Variants in GPBP1 observed in about 807,000 individuals in gnomAD.
The protein encoded by GPBP1 is vasculin.
GPBP1 carries 13 observed loss-of-function variants against 56.5 expected under a neutral mutation model. That is an observed-to-expected ratio of 0.23 (90% CI 0.15 to 0.37). The LOEUF (loss-of-function observed/expected upper bound fraction) is 0.37. Among genes scored for constraint, GPBP1 ranks in the 10% least tolerant of loss-of-function variants. GPBP1 has a pLI of 1.00. For synonymous variants in GPBP1, 204 were observed against 188.9 expected, an observed-to-expected ratio of 1.08 and a Z score of -0.66; for missense variants, 477 against 572.3, an observed-to-expected ratio of 0.83 and a Z score of 1.70.
intron 10 of GPBP1, among the ~76,000 whole-genome samples, chr5:57,256,341 G>A (rs1288747071): frequency 6.6e-6 from 1 of 152,076 alleles, no homozygotes; most frequent in African/African-American, 2.4e-5. Flanking sequence ...CATACTGCAT[G>A]AAGAGATAGT....
chr5:57,205,317 T>C (rs1755186812), intron 2 of GPBP1, among the ~76,000 whole-genome samples: 1 of 152,240 alleles, frequency 6.6e-6, no homozygotes, highest in Admixed American at 6.5e-5. Flanking sequence ...TTTTCTTTTG[T>C]CTATTGATGG....
At chr5:57,262,545 T>C in intron 11 of GPBP1, 49 bp from the exon 12 acceptor site, 1 of 1,367,928 alleles carries the variant, frequency 7.3e-7, no homozygotes, top group African/African-American at 1.4e-5. Flanking sequence ...TTACAGTAGG[T>C]TTGTAACTCT....
intron 2 of GPBP1, among the ~76,000 whole-genome samples, chr5:57,209,162 A>C (rs1755368743): frequency 6.6e-6 from 1 of 152,026 alleles, no homozygotes; most frequent in Non-Finnish European, 1.5e-5. Flanking sequence ...TTGTGTGTTG[A>C]TCTTCTATCT....
chr5:57,252,630 C>T (rs1043276898), intron 10 of GPBP1, among the ~76,000 whole-genome samples: 1 of 152,062 alleles, frequency 6.6e-6, no homozygotes, highest in Non-Finnish European at 1.5e-5. Flanking sequence ...TGAGCTGAAG[C>T]GATCCTCCCG....
Position 57,262,745 on chromosome 5 carries a change from A to G in GPBP1, c.1415A>G (p.Asp472Gly). 2 of 1,613,026 alleles carry G rather than the reference A, an allele frequency of 1.2e-6. No individual in the cohort carries two copies. Among genetic ancestry groups the G allele is most frequent in the Non-Finnish European group, 1.7e-6 (2 of 1,179,290 alleles). The change falls in exon 12 of 12, where the codon GAT becomes GGT. Residue 472 changes from aspartate to glycine, a missense_variant. Around this residue, in one of 2 missense-constraint regions of GPBP1, gnomAD observed 63 missense variants for 114.0 expected, o/e 0.55. Transcript: ENST00000506184. ...AGCAGTGATACATCAGATGACGACG[A>G]TGTGTGAAGGATTTCCTAACAGCTT... ...TSSSDTSDDD[D>G]V
In GPBP1 at chr5:57,180,360, A is replaced by C. The variant is rs377420085; in HGVS notation, c.-58+3960A>C. Among the ~76,000 whole-genome samples, 34 of 151,834 alleles carry C rather than the reference A, an allele frequency of 2.2e-4. No homozygotes were observed. The East Asian group carries it at 3.0e-3, about 13-fold the overall frequency. On this transcript the variant is annotated intron_variant, in intron 2 of 11. Coordinates refer to ENST00000506184, the MANE Select transcript of GPBP1 (RefSeq NM_022913.4). ...CGAACTCCTGACCTCAGGTCAGATG[A>C]TCACCTGCCTCAGCCTCCCAAAGTG...
chr5:57,236,171 C>A, intron 6 of GPBP1, 139 bp downstream of exon 6: 2 of 593,072 alleles, frequency 3.4e-6, no homozygotes, highest in Non-Finnish European at 3.0e-6. Flanking sequence ...TGCTTAGCTA[C>A]AAAAAAGGTA....
chr5:57,196,859 G>A (rs566135060), intron 2 of GPBP1, among the ~76,000 whole-genome samples: 1 of 152,036 alleles, frequency 6.6e-6, no homozygotes, highest in African/African-American at 2.4e-5. Context: ...TTGGCTCACT[G>A]TAACCTCTGC....
At chr5:57,189,611 A>G (rs547050869) in intron 2 of GPBP1, among the ~76,000 whole-genome samples, 12 of 152,294 alleles carry the variant, frequency 7.9e-5, no homozygotes, top group African/African-American at 2.6e-4. Context: ...TTCCTGTACC[A>G]TTGTGTACTC....
chr5:57,227,102 G>A (rs956906683), intron 3 of GPBP1, among the ~76,000 whole-genome samples: 1 of 151,978 alleles, frequency 6.6e-6, no homozygotes, highest in African/African-American at 2.4e-5. Context: ...GCTCAGGCTG[G>A]AGTGCAGTGG....
Position 57,250,523 on chromosome 5 carries a change from A to G in GPBP1, c.973-431A>G, listed in dbSNP as rs1266662041. 2.0e-5 allele frequency among the ~76,000 whole-genome samples: 3 copies of G among 149,852 alleles called. 1 individual carries two copies. Among genetic ancestry groups the G allele is most frequent in the Admixed American group, 1.3e-4 (2 of 15,046 alleles). On this transcript the variant is annotated intron_variant, in intron 9 of 11. Coordinates refer to ENST00000506184, the MANE Select transcript of GPBP1 (RefSeq NM_022913.4). ...TTTTTCATTCCTAAATTTAACAATT[A>G]TAAGTATTACGTTTATGGTTGTTGG...
chr5:57,192,184 A>G (rs561186359), intron 2 of GPBP1, among the ~76,000 whole-genome samples: 33 of 152,308 alleles, frequency 2.2e-4, no homozygotes, highest in Non-Finnish European at 4.1e-4. Flanking sequence ...AACACTGGCT[A>G]GGTTGAAAAC....
At chr5:57,213,603 C>T (rs1755584340) in intron 2 of GPBP1, among the ~76,000 whole-genome samples, 1 of 151,960 alleles carries the variant, frequency 6.6e-6, no homozygotes, top group Admixed American at 6.6e-5. Context: ...TGTCCTTTAA[C>T]TTGTTCTCCA....
chr5:57,230,928 C>G lies in GPBP1; in HGVS notation c.146C>G (p.Ser49Cys). 6.2e-6 allele frequency: 10 copies of G among 1,612,236 alleles called. No individual in the cohort carries two copies. The highest frequency in any genetic ancestry group is 7.6e-6 in the Non-Finnish European group (9 of 1,179,216). Residue 49 changes from serine to cysteine, a missense_variant, in exon 4 of 12, where the codon TCT becomes TGT. This residue lies in a region of GPBP1 where 414 missense variants were observed against 458.2 expected (regional missense o/e 0.90). Coordinates refer to ENST00000506184, the MANE Select transcript of GPBP1 (RefSeq NM_022913.4). ...RYDVNRRRHN[S>C]SDGFDSAIGR... ...GATGTGAACCGTCGACGACACAACTCTTCAGATGGCTTTGATTCTGCTATT... is the reference window on the plus strand; with the variant it reads ...GATGTGAACCGTCGACGACACAACTGTTCAGATGGCTTTGATTCTGCTATT...
chr5:57,203,541 A>T (rs1290478413), intron 2 of GPBP1, among the ~76,000 whole-genome samples: 1 of 152,196 alleles, frequency 6.6e-6, no homozygotes, highest in East Asian at 1.9e-4. Flanking sequence ...GCTACTTGGG[A>T]GGCTGAGACA....
intron 2 of GPBP1, among the ~76,000 whole-genome samples, chr5:57,187,333 A>G (rs534471673): frequency 5.9e-4 from 90 of 152,324 alleles, no homozygotes; most frequent in African/African-American, 2.1e-3. Context: ...ACTGGAAATG[A>G]GAAAGTAGGA....
chr5:57,253,970 T>C (rs1741513059), intron 10 of GPBP1, among the ~76,000 whole-genome samples: 1 of 152,136 alleles, frequency 6.6e-6, no homozygotes, highest in Non-Finnish European at 1.5e-5. Flanking sequence ...CAGGGTCTTA[T>C]TCCATTGTCC....
intron 2 of GPBP1, among the ~76,000 whole-genome samples, chr5:57,191,118 C>G (rs1754507407): frequency 6.6e-6 from 1 of 150,534 alleles, no homozygotes; most frequent in Non-Finnish European, 1.5e-5. Context: ...TTAAGGCATT[C>G]TCCGTCACCC....
intron 10 of GPBP1, among the ~76,000 whole-genome samples, chr5:57,256,851 C>T (rs1426329346): frequency 6.6e-6 from 1 of 152,014 alleles, no homozygotes; most frequent in Non-Finnish European, 1.5e-5. Flanking sequence ...TACCTTTTTC[C>T]CCACTCTTAA....
Sources: allele counts gnomAD v4.1 joint callset (sites outside exome capture counted in the v4.1 genomes callset), GRCh38; gene constraint gnomAD v4.1.1; regional missense constraint gnomAD v4.1.1; transcripts MANE v1.5; gene names NCBI Gene and HGNC (gene_info 2026-07-23, HGNC 2026-07-21).